SLC2A7: variants seen among roughly 807,000 people sequenced by gnomAD.
SLC2A7 encodes the protein solute carrier family 2 member 7, also known as solute carrier family 2, facilitated glucose transporter member 7.
Under a neutral mutation model 50.5 loss-of-function variants are expected in SLC2A7, and 50 were observed. The observed-to-expected ratio is 0.99, with a 90% CI of 0.79 to 1.25. The LOEUF (loss-of-function observed/expected upper bound fraction) is 1.25, where lower values mean the gene tolerates loss of function less well. SLC2A7 is among the 50% of genes most tolerant of loss of function. The pLI, the probability that SLC2A7 is intolerant of heterozygous loss-of-function variation, is 0.00. For synonymous variants in SLC2A7, 308 were observed against 300.4 expected, an observed-to-expected ratio of 1.03 and a Z score of -0.26; for missense variants, 683 against 679.1, an observed-to-expected ratio of 1.01 and a Z score of -0.06.
intron 10 of SLC2A7, among the ~76,000 whole-genome samples, chr1:9,006,447 C>G (rs1474703730): frequency 6.6e-6 from 1 of 152,062 alleles, no homozygotes; most frequent in Non-Finnish European, 1.5e-5. Flanking sequence ...GGAGTTTCAC[C>G]TTGTTGGCTA....
At chr1:9,001,550 C>A (rs569217330), downstream of SLC2A7, among the ~76,000 whole-genome samples, 36 of 151,844 alleles carry the variant, frequency 2.4e-4, no homozygotes, top group Non-Finnish European at 4.3e-4. Flanking sequence ...TCCCAAGCAG[C>A]TGGGACTATA....
chr1:9,020,317 C>A (rs1010268848), intron 3 of SLC2A7, among the ~76,000 whole-genome samples: 1 of 152,212 alleles, frequency 6.6e-6, no homozygotes, highest in Non-Finnish European at 1.5e-5. Flanking sequence ...CTAGACTAGA[C>A]ACGATGACTG....
intron 2 of SLC2A7, among the ~76,000 whole-genome samples, 153 bp downstream of exon 2, chr1:9,024,823 C>T (rs1640970124): frequency 6.6e-6 from 1 of 152,170 alleles, no homozygotes; most frequent in Non-Finnish European, 1.5e-5. Flanking sequence ...GGTGAGCATC[C>T]AGGGTACTAG....
Position 9,008,134 on chromosome 1 carries a change from G to A in SLC2A7, c.1117-749C>T, listed in dbSNP as rs934404839. Among the ~76,000 whole-genome samples the A allele has an allele frequency of 6.6e-6, 1 of 152,048 alleles. No individual in the cohort carries two copies. The highest frequency in any genetic ancestry group is 1.5e-5 in the Non-Finnish European group (1 of 68,014). On this transcript the variant is annotated intron_variant, in intron 9 of 11. Coordinates refer to ENST00000400906, the MANE Select transcript of SLC2A7 (RefSeq NM_207420.3). The surrounding 1 kb of genome is among the most constrained non-coding windows in gnomAD (Gnocchi z 5.9). ...CCCAACTGCCGAGAGAACAGCCAAT[G>A]CAAAACCGGGTCAACGGACTTCAGC... is the stretch of plus-strand genomic sequence containing the variant.
chr1:9,011,396 G>A (rs1039901633), intron 8 of SLC2A7, among the ~76,000 whole-genome samples: 4 of 152,200 alleles, frequency 2.6e-5, no homozygotes, highest in Non-Finnish European at 5.9e-5. Context: ...GCTCACACCT[G>A]TAATCTCAGC....
chr1:9,001,419 ATTTTTT>A (rs767748961), downstream of SLC2A7, among the ~76,000 whole-genome samples: 1 of 124,324 alleles, frequency 8.0e-6, no homozygotes, highest in Non-Finnish European at 1.7e-5. Flanking sequence ...TGCAGGTGCT[ATTTTTT>A]TTTTTTTTTT....
At chr1:9,017,407 A>G (rs1640846439) in intron 5 of SLC2A7, among the ~76,000 whole-genome samples, 1 of 750 alleles carries the variant, frequency 1.3e-3, no homozygotes, top group South Asian at 0.038. Context: ...TAGGTCATAA[A>G]AGGCCCCCTA....
At chr1:9,013,832 C>T (rs1640786609) in intron 7 of SLC2A7, among the ~76,000 whole-genome samples, 197 bp from the exon 8 acceptor site, 1 of 152,178 alleles carries the variant, frequency 6.6e-6, no homozygotes, top group South Asian at 2.1e-4. Context: ...GCCCTGGAAT[C>T]CAGGGTCGCA....
chr1:9,012,003 A>G (rs1640757624), intron 8 of SLC2A7, among the ~76,000 whole-genome samples: 1 of 151,026 alleles, frequency 6.6e-6, no homozygotes, highest in Non-Finnish European at 1.5e-5. Context: ...GCCCGCCTCA[A>G]CCTCCCAAAG....
chr1:9,022,855 G>T, intron 3 of SLC2A7, 63 bp downstream of exon 3: 1 of 1,581,246 alleles, frequency 6.3e-7, no homozygotes. Flanking sequence ...GTGCACAAAT[G>T]CCCAGAGACA....
chr1:9,007,608 G>C (rs574454577), intron 9 of SLC2A7, among the ~76,000 whole-genome samples: 1 of 152,338 alleles, frequency 6.6e-6, no homozygotes, highest in East Asian at 1.9e-4. Context: ...TGAGCGTCAT[G>C]GAGAACGAGG....
At position 9,014,678 on chromosome 1, in the gene SLC2A7, T is replaced by C; in HGVS notation, c.903+3A>G. ...CTCCCTGCCTGGCCACCGTCCCACATACCGCATTGATGCCCGACAGCTGCT... is the reference window on the plus strand; with the variant it reads ...CTCCCTGCCTGGCCACCGTCCCACACACCGCATTGATGCCCGACAGCTGCT... On this transcript the variant is annotated splice_donor_region_variant and intron_variant, in intron 7 of 11. Transcript: ENST00000400906. 3 of 1,554,040 alleles carry C rather than the reference T, an allele frequency of 1.9e-6. No homozygotes were observed. Among genetic ancestry groups the C allele is most frequent in the Non-Finnish European group, 8.7e-7 (1 of 1,148,534 alleles).
At chr1:9,004,538 T>C (rs1640624037) in intron 11 of SLC2A7, among the ~76,000 whole-genome samples, 1 of 145,440 alleles carries the variant, frequency 6.9e-6, no homozygotes, top group Non-Finnish European at 1.6e-5. Flanking sequence ...AATAGCCCTT[T>C]ACAATGTCAG....
rs150703901 is a variant in SLC2A7 at position 9,016,195 on chromosome 1, G to T, written c.590-953C>A. ...ATCATTACTGTTAACGATCTTTCAT[G>T]GAGCACCCTCCAGGTTCTGAGTCTC... On this transcript the variant is annotated intron_variant, in intron 5 of 11. Transcript: ENST00000400906. Among the ~76,000 whole-genome samples, 540 of 152,298 alleles carry T rather than the reference G, an allele frequency of 3.5e-3. 7 individuals are homozygous for T. The highest frequency in any genetic ancestry group is 0.012 in the African/African-American group (505 of 41,574).
chr1:9,004,331 T>TAAAAA (rs761127530), intron 11 of SLC2A7, among the ~76,000 whole-genome samples: 11 of 119,882 alleles, frequency 9.2e-5, no homozygotes, highest in African/African-American at 3.3e-4. Context: ...AGGCCCTGTC[T>TAAAAA]AAAAAAAAAA....
chr1:9,004,708 C>G, intron 11 of SLC2A7, 44 bp downstream of exon 11: 1 of 1,611,036 alleles, frequency 6.2e-7, no homozygotes. Flanking sequence ...ATCTTACTCC[C>G]TGGAGGCCCG....
chr1:8,994,770 C>CTTTGT, the SLC2A7 span, among the ~76,000 whole-genome samples: 8 of 150,926 alleles, frequency 5.3e-5, no homozygotes, highest in Admixed American at 2.0e-4. Context: ...CTTTTTTTTT[C>CTTTGT]TTTGTTTTGT....
chr1:8,994,104 A>C, the SLC2A7 span, among the ~76,000 whole-genome samples: 2 of 152,178 alleles, frequency 1.3e-5, no homozygotes, highest in Non-Finnish European at 2.9e-5. Flanking sequence ...GTGACTTTTC[A>C]CTAGAGGGCC....
At chr1:9,018,470 A>C in intron 4 of SLC2A7, 95 bp from the exon 5 acceptor site, 3 of 1,516,314 alleles carry the variant, frequency 2.0e-6, no homozygotes, top group Non-Finnish European at 2.7e-6. Flanking sequence ...GGGCTTCTCC[A>C]TGCTGTCAGC....
Sources: gnomAD v4.1 joint callset for allele counts (sites outside exome capture counted in the v4.1 genomes callset) on GRCh38, gnomAD v4.1.1 for gene constraint, Gnocchi (gnomAD v3.1) non-coding constraint, MANE v1.5 for transcripts, NCBI Gene and HGNC (gene_info 2026-07-23, HGNC 2026-07-21) for gene names.